The following YWHAE variants were observed in gnomAD, a reference collection of about 807,000 sequenced individuals.
YWHAE encodes the protein 14-3-3 protein epsilon.
YWHAE carries 4 observed loss-of-function variants against 30.1 expected under a neutral mutation model. The observed-to-expected ratio is 0.13, with a 90% CI of 0.07 to 0.30. The LOEUF is 0.30. Ranked by LOEUF, YWHAE falls within the 10% of genes least tolerant of loss-of-function variation. The pLI is 1.00. For synonymous variants in YWHAE, 118 were observed against 111.8 expected, an observed-to-expected ratio of 1.06 and a Z score of -0.35; for missense variants, 121 against 315.9, an observed-to-expected ratio of 0.38 and a Z score of 4.68.
At chr17:1,365,159 A>G (rs2072923137) in intron 1 of YWHAE, 101 bp from the exon 2 acceptor site, 6 of 1,247,494 alleles carry the variant, frequency 4.8e-6, no homozygotes, top group Middle Eastern at 1.9e-4. Flanking sequence ...CGAAAAAAAC[A>G]TTTTAACAAA....
chr17:1,347,204 T>C (rs1598219151), intron 5 of YWHAE, among the ~76,000 whole-genome samples: 1 of 147,684 alleles, frequency 6.8e-6, no homozygotes, highest in Admixed American at 6.8e-5. Flanking sequence ...CCAGGCATGG[T>C]GGCAGGCGCC....
chr17:1,395,109 C>A (rs1258011196), intron 1 of YWHAE, among the ~76,000 whole-genome samples: 1 of 151,290 alleles, frequency 6.6e-6, no homozygotes, highest in Non-Finnish European at 1.5e-5. Flanking sequence ...AAAAAACAAT[C>A]AGGCCGGGTG....
chr17:1,392,290 AT>A (rs1020332128), intron 1 of YWHAE, among the ~76,000 whole-genome samples: 1 of 152,220 alleles, frequency 6.6e-6, no homozygotes, highest in Non-Finnish European at 1.5e-5. Flanking sequence ...TGGGATGATC[AT>A]TTGGGCCTGG....
At chr17:1,370,152 G>C (rs1463715166) in intron 1 of YWHAE, among the ~76,000 whole-genome samples, 1 of 134,514 alleles carries the variant, frequency 7.4e-6, no homozygotes, top group Non-Finnish European at 1.6e-5. Flanking sequence ...TTTTGAGACG[G>C]AGTCTCGCTC....
chr17:1,369,169 T>C (rs183753843), intron 1 of YWHAE, among the ~76,000 whole-genome samples: 1 of 152,286 alleles, frequency 6.6e-6, no homozygotes, highest in Admixed American at 6.5e-5. Flanking sequence ...AATACCTTTA[T>C]TTATATATAA....
chr17:1,392,253 T>C lies in YWHAE; in HGVS notation c.64+7794A>G, dbSNP rs148073864. On this transcript the variant is annotated intron_variant, in intron 1 of 5. Coordinates refer to ENST00000264335, the MANE Select transcript of YWHAE (RefSeq NM_006761.5). ...ATCCAGGTATTGTGGTGCACAGCTG[T>C]GGGCCCAGCTAAGTGGGAGGCTGAG... Among the ~76,000 whole-genome samples the C allele has an allele frequency of 7.3e-3, 1,116 of 152,202 alleles. 6 individuals carry two copies. Among genetic ancestry groups the C allele is most frequent in the Non-Finnish European group, 0.012 (840 of 68,014 alleles).
At chr17:1,350,211 C>A (rs1323957906) in intron 5 of YWHAE, among the ~76,000 whole-genome samples, 3 of 151,898 alleles carry the variant, frequency 2.0e-5, no homozygotes, top group Non-Finnish European at 4.4e-5. Flanking sequence ...TTCGGCCTCC[C>A]AAAGTGCTGG....
chr17:1,359,131 C>G (rs1477850903), intron 4 of YWHAE, among the ~76,000 whole-genome samples: 1 of 151,110 alleles, frequency 6.6e-6, no homozygotes, highest in Non-Finnish European at 1.5e-5. Context: ...GCCAGGCTCT[C>G]CCTCAAAAAA....
At chr17:1,395,809 G>C (rs750359952) in intron 1 of YWHAE, among the ~76,000 whole-genome samples, 1 of 152,272 alleles carries the variant, frequency 6.6e-6, no homozygotes, top group Non-Finnish European at 1.5e-5. Context: ...CTAGAGATGA[G>C]GATCTGGTGT....
chr17:1,388,113 G>GTCTT (rs1491500441), intron 1 of YWHAE, among the ~76,000 whole-genome samples: 1 of 35,124 alleles, frequency 2.8e-5, no homozygotes, highest in Non-Finnish European at 4.9e-5. Context: ...TTTTTTTTTT[G>GTCTT]GTTGGTTTTT....
rs2072493930 is a variant in YWHAE, at chr17:1,345,125, T to C, written c.*322A>G. ...AAGTCTAATGGCTTTCAAATGTAAT[T>C]TCCATTTGCTAATGGTGATCTTGCC... is the stretch of plus-strand genomic sequence containing the variant. On this transcript the variant is annotated 3_prime_UTR_variant, in exon 6 of 6. Transcript: ENST00000264335. 1.0e-5 allele frequency: 4 copies of C among 383,716 alleles called. No individual in the cohort carries two copies. The highest frequency in any genetic ancestry group is 1.9e-5 in the Non-Finnish European group (4 of 213,186). The allele number at this position is 383,716 out of a possible 1,614,324, so 23.8% of individuals were successfully genotyped here. A position where few individuals can be genotyped will look rare whatever the true frequency, so the allele number is the denominator to read the frequency against.
At position 1,361,931 on chromosome 17, in the gene YWHAE, A is replaced by C. The variant is rs553981612; in HGVS notation, c.342T>G (p.Thr114=). 1 of 1,605,030 alleles carries C rather than the reference A, an allele frequency of 6.2e-7. No homozygotes were observed. The highest frequency in any genetic ancestry group is 2.2e-5 in the East Asian group (1 of 44,700). ...TATAATAGAAAACCTTGGACTCGCC[A>C]GTGTTAGCTGCTGGAATGAGGTGTT... is the stretch of plus-strand genomic sequence containing the variant. ...LDKHLIPAAN[T]GESKVFYYKM... The change falls in exon 3 of 6, where the codon ACT becomes ACG. Residue 114 remains threonine, a synonymous_variant. Coordinates refer to ENST00000264335, the MANE Select transcript of YWHAE (RefSeq NM_006761.5).
At chr17:1,356,171 A>ACACAC (rs2072737906) in intron 4 of YWHAE, among the ~76,000 whole-genome samples, 9 of 143,106 alleles carry the variant, frequency 6.3e-5, no homozygotes, top group South Asian at 4.6e-4. Context: ...TCCGTCTAAA[A>ACACAC]ACACACACAC....
At chr17:1,348,406 AAAT>A (rs1273393274) in intron 5 of YWHAE, among the ~76,000 whole-genome samples, 74 of 152,336 alleles carry the variant, frequency 4.9e-4, no homozygotes, top group African/African-American at 1.6e-3. Flanking sequence ...CCCTTTAAAG[AAAT>A]TATGTTCCAA....
intron 1 of YWHAE, among the ~76,000 whole-genome samples, chr17:1,375,574 G>A (rs1018750369): frequency 1.3e-5 from 2 of 152,146 alleles, no homozygotes; most frequent in Admixed American, 6.5e-5. Context: ...TAACAAAATC[G>A]AATTTCTGGG....
intron 1 of YWHAE, among the ~76,000 whole-genome samples, chr17:1,386,848 G>A (rs1252280912): frequency 6.6e-6 from 1 of 152,118 alleles, no homozygotes; most frequent in Non-Finnish European, 1.5e-5. Context: ...CAGCTACTCA[G>A]GAGGCTGAGG....
chr17:1,366,603 G>C lies in YWHAE; in HGVS notation c.65-1545C>G, dbSNP rs150571517. 6.6e-3 allele frequency among the ~76,000 whole-genome samples: 1,012 copies of C among 152,216 alleles called. 9 individuals are homozygous for C. The highest frequency in any genetic ancestry group is 0.013 in the South Asian group (64 of 4,822). On this transcript the variant is annotated intron_variant, in intron 1 of 5. Transcript: ENST00000264335. Reference sequence around the variant, plus strand: ...GCTTTCATTAACACCCTAAGCATAAGCATACCTTAACTAATAGGTATGAAA... The same window carrying C: ...GCTTTCATTAACACCCTAAGCATAACCATACCTTAACTAATAGGTATGAAA...
chr17:1,397,258 T>C (rs1167569185), intron 1 of YWHAE, among the ~76,000 whole-genome samples: 9 of 152,114 alleles, frequency 5.9e-5, no homozygotes. Flanking sequence ...GTTTGAGAAA[T>C]GCTAAGAAAT....
intron 4 of YWHAE, 68 bp downstream of exon 4, chr17:1,361,024 A>T: frequency 1.4e-6 from 2 of 1,453,732 alleles, no homozygotes; most frequent in Non-Finnish European, 9.6e-7. Flanking sequence ...AAGAAACAAC[A>T]CGGAAAACCC....
Sources: gnomAD v4.1 joint callset for allele counts (sites outside exome capture counted in the v4.1 genomes callset) on GRCh38, gnomAD v4.1.1 for gene constraint, MANE v1.5 for transcripts, NCBI Gene and HGNC (gene_info 2026-07-23, HGNC 2026-07-21) for gene names.